CDH1: variants seen among roughly 807,000 people sequenced by gnomAD.
CDH1 encodes the protein cadherin-1.
Under a neutral mutation model 84.5 loss-of-function variants are expected in CDH1, and 35 were observed. The ratio of observed to expected loss-of-function variants is 0.41; its 90% CI spans 0.32 to 0.55. The LOEUF is 0.55. Among genes scored for constraint, CDH1 ranks in the 20% least tolerant of loss-of-function variants. The pLI is 0.19. For missense variants in CDH1, 994 were observed against 1,126.6 expected, an observed-to-expected ratio of 0.88 and a Z score of 1.68; for synonymous variants, 417 against 439.0, an observed-to-expected ratio of 0.95 and a Z score of 0.63.
At chr16:68,743,478 G>A (rs1455469996) in intron 2 of CDH1, among the ~76,000 whole-genome samples, 1 of 151,986 alleles carries the variant, frequency 6.6e-6, no homozygotes, top group Non-Finnish European at 1.5e-5. Flanking sequence ...TGATTCTCCA[G>A]CCTCAGCCTC....
At chr16:68,820,898 C>G (rs1437261378) in intron 11 of CDH1, among the ~76,000 whole-genome samples, 1 of 152,104 alleles carries the variant, frequency 6.6e-6, no homozygotes, top group East Asian at 1.9e-4. Flanking sequence ...CCCATAATCT[C>G]AAAATGCTGG....
intron 2 of CDH1, among the ~76,000 whole-genome samples, chr16:68,799,306 A>C (rs1960438104): frequency 1.3e-5 from 2 of 152,138 alleles, no homozygotes; most frequent in Non-Finnish European, 1.5e-5. Context: ...CTGAGAAGGT[A>C]GGGGTTGGGG....
At chr16:68,764,374 T>A (rs1488305186) in intron 2 of CDH1, among the ~76,000 whole-genome samples, 1 of 152,152 alleles carries the variant, frequency 6.6e-6, no homozygotes, top group African/African-American at 2.4e-5. Flanking sequence ...GTCAGGAGTT[T>A]GAGACCAGCC....
intron 10 of CDH1, among the ~76,000 whole-genome samples, chr16:68,818,068 G>A (rs1235982869): frequency 6.6e-6 from 1 of 151,612 alleles, no homozygotes; most frequent in Non-Finnish European, 1.5e-5. Flanking sequence ...GTGAAACCTC[G>A]TCTCTACTAA....
chr16:68,783,055 C>T (rs371532977), intron 2 of CDH1, among the ~76,000 whole-genome samples: 2 of 151,990 alleles, frequency 1.3e-5, no homozygotes, highest in Non-Finnish European at 2.9e-5. Context: ...ATTGAGATTA[C>T]GGTCAACTGA....
chr16:68,783,120 G>T (rs1959929270), intron 2 of CDH1, among the ~76,000 whole-genome samples: 1 of 152,136 alleles, frequency 6.6e-6, no homozygotes, highest in South Asian at 2.1e-4. Context: ...AAAAGGGCCG[G>T]GAGTGGTGGC....
At chr16:68,821,810 C>T (rs905601361) in intron 11 of CDH1, among the ~76,000 whole-genome samples, 191 bp from the exon 12 acceptor site, 4 of 152,118 alleles carry the variant, frequency 2.6e-5, no homozygotes, top group African/African-American at 9.7e-5. Flanking sequence ...CTGTGTAAAA[C>T]GGCCAGAGAC....
chr16:68,829,538 C>T (rs1426405036), intron 14 of CDH1, 116 bp from the exon 15 acceptor site: 13 of 1,015,608 alleles, frequency 1.3e-5, no homozygotes. Flanking sequence ...TGGTAAAGAT[C>T]ATACAGTTGG....
chr16:68,750,163 C>CTTTTTTT (rs1962853349), intron 2 of CDH1, among the ~76,000 whole-genome samples: 1 of 18,772 alleles, frequency 5.3e-5, no homozygotes, highest in African/African-American at 1.4e-4. Context: ...TTTTTTTTGC[C>CTTTTTTT]TTTGGAAGGC....
chr16:68,796,685 G>T (rs1291878875), intron 2 of CDH1, among the ~76,000 whole-genome samples: 3 of 151,968 alleles, frequency 2.0e-5, no homozygotes, highest in Non-Finnish European at 4.4e-5. Context: ...GTGGGGCACC[G>T]TAGGTTTAAT....
rs553796388 is a variant in CDH1 at position 68,800,189 on chromosome 16, T to TA, written c.164-1468dup. ...ATCCCATCTCTATGAAAATATTATTTAAAAAAAAAAAAACCAAGGCCTTAA... is the reference window on the plus strand; with the variant it reads ...ATCCCATCTCTATGAAAATATTATTTAAAAAAAAAAAAAACCAAGGCCTTAA... On this transcript the variant is annotated intron_variant, in intron 2 of 15. Coordinates refer to ENST00000261769, the MANE Select transcript of CDH1 (RefSeq NM_004360.5). Among the ~76,000 whole-genome samples, 1,360 of 140,716 alleles carry TA rather than the reference T, an allele frequency of 9.7e-3. 22 individuals carry two copies. Among genetic ancestry groups the TA allele is most frequent in the African/African-American group, 0.029 (1,126 of 38,434 alleles). The allele number at this position is 140,716 out of a possible 152,430, so 92.3% of individuals were successfully genotyped here.
At chr16:68,750,254 C>A (rs149238270) in intron 2 of CDH1, among the ~76,000 whole-genome samples, 364 of 145,394 alleles carry the variant, frequency 2.5e-3, no homozygotes, top group Middle Eastern at 7.7e-3. Context: ...AGCTGAACAG[C>A]GCTTCTCTTC....
intron 2 of CDH1, chr16:68,765,024 C>A (rs1597859485): frequency 6.6e-6 from 1 of 152,266 alleles, no homozygotes; most frequent in Middle Eastern, 3.4e-3. Context: ...TATTAAAATG[C>A]ATCACCAAAC....
intron 3 of CDH1, among the ~76,000 whole-genome samples, chr16:68,806,019 C>G (rs1960646380): frequency 6.6e-6 from 1 of 152,160 alleles, no homozygotes; most frequent in South Asian, 2.1e-4. Flanking sequence ...ACAATCTCGG[C>G]TCACTACAAC....
intron 2 of CDH1, among the ~76,000 whole-genome samples, chr16:68,750,804 A>G (rs1237554482): frequency 6.6e-6 from 1 of 151,478 alleles, no homozygotes; most frequent in Non-Finnish European, 1.5e-5. Context: ...TCCCGGGCTC[A>G]AGCAATCCTC....
At chr16:68,752,020 C>T (rs1487380633) in intron 2 of CDH1, among the ~76,000 whole-genome samples, 3 of 149,894 alleles carry the variant, frequency 2.0e-5, no homozygotes, top group South Asian at 2.1e-4. Context: ...GGCTTGATCT[C>T]GGCTCACTGC....
chr16:68,738,288 C>A lies in CDH1; in HGVS notation c.49-9C>A, dbSNP rs1555509752. 5.9e-6 allele frequency: 9 copies of A among 1,532,048 alleles called. No homozygotes were observed. Among genetic ancestry groups the A allele is most frequent in the Non-Finnish European group, 8.0e-6 (9 of 1,129,246 alleles). The allele number at this position is 1,532,048 out of a possible 1,614,324, so 94.9% of individuals were successfully genotyped here. On this transcript the variant is annotated splice_polypyrimidine_tract_variant and intron_variant, in intron 1 of 15. Coordinates refer to ENST00000261769, the MANE Select transcript of CDH1 (RefSeq NM_004360.5). The stretch of plus-strand genomic sequence containing the variant: ...TCACCCGGTTCCATCTACCTTTCCC[C>A]CACCCCAGGTCTCCTCTTGGCTCTG...
intron 13 of CDH1, among the ~76,000 whole-genome samples, chr16:68,824,327 G>A (rs972873771): frequency 7.2e-5 from 11 of 152,184 alleles, no homozygotes; most frequent in East Asian, 1.9e-4. Flanking sequence ...GCTCCCAGGC[G>A]GTACTGATGT....
intron 2 of CDH1, among the ~76,000 whole-genome samples, chr16:68,775,442 C>T (rs972756533): frequency 5.9e-5 from 9 of 152,304 alleles, no homozygotes; most frequent in African/African-American, 1.7e-4. Flanking sequence ...CATCACCTCC[C>T]GAGATCCTTG....
Sources: allele counts gnomAD v4.1 joint callset (sites outside exome capture counted in the v4.1 genomes callset), GRCh38; gene constraint gnomAD v4.1.1; transcripts MANE v1.5; gene names NCBI Gene and HGNC (gene_info 2026-07-23, HGNC 2026-07-21).